Variants in C3orf70 observed in about 807,000 individuals in gnomAD.
The protein encoded by C3orf70 is chromosome 3 open reading frame 70.
A neutral mutation model predicts 20.7 loss-of-function variants in C3orf70; 15 were observed. The ratio of observed to expected loss-of-function variants is 0.72; its 90% confidence interval spans 0.48 to 1.11. The LOEUF (loss-of-function observed/expected upper bound fraction) is 1.11. C3orf70 is among the 50% of genes most tolerant of loss of function. The pLI is 0.00. For missense variants in C3orf70, 332 were observed against 317.6 expected, an observed-to-expected ratio of 1.05 and a Z score of -0.34; for synonymous variants, 161 against 125.7, an observed-to-expected ratio of 1.28 and a Z score of -1.88.
At chr3:185,096,656 A>G (rs6770129) in intron 1 of C3orf70, among the ~76,000 whole-genome samples, 53,587 of 152,020 alleles carry the variant, frequency 0.35, 9,780 homozygotes, top group East Asian at 0.52. Context: ...GACAGTGTGA[A>G]GGGTCTGCGG....
In C3orf70 at chr3:185,079,293, A is replaced by AAAATAAAATAAAAT. The variant is rs1553918801; in HGVS notation, c.*3713_*3714insATTTTATTTTATTT. 5.1e-3 allele frequency: 773 copies of AAAATAAAATAAAAT among 150,462 alleles called. 15 individuals carry two copies. Among genetic ancestry groups the AAAATAAAATAAAAT allele is most frequent in the African/African-American group, 0.018 (735 of 40,896 alleles). 9.3% of individuals were successfully genotyped at this position (150,462 alleles called of 1,614,324 possible). A position where few individuals can be genotyped will look rare whatever the true frequency, so the allele number is the denominator to read the frequency against. ...GAGACTCTGTCTCAAAAAAAAAAAA[A>AAAATAAAATAAAAT]AAAAAAAAAAAGTAAAGCCACCACT... On this transcript the variant is annotated 3_prime_UTR_variant, in exon 2 of 2. Transcript: ENST00000335012.
chr3:185,083,140 G>C lies in C3orf70; in HGVS notation c.620C>G (p.Thr207Arg). The C allele has an allele frequency of 6.2e-7, 1 of 1,614,144 alleles. No individual in the cohort carries two copies. The highest frequency in any genetic ancestry group is 8.5e-7 in the Non-Finnish European group (1 of 1,180,042). The change falls in exon 2 of 2, where the codon ACA becomes AGA. Residue 207 changes from threonine (T) to arginine (R), a missense_variant. Transcript: ENST00000335012. ...AHYVESCDED[T>R]EEGAELSSEE... Reference sequence around the variant, plus strand: ...TGAACTCAGTTCTGCTCCTTCTTCTGTGTCCTCGTCACACGATTCCACATA... The same window carrying C: ...TGAACTCAGTTCTGCTCCTTCTTCTCTGTCCTCGTCACACGATTCCACATA...
intron 1 of C3orf70, among the ~76,000 whole-genome samples, chr3:185,151,431 G>A (rs1716987114): frequency 6.6e-6 from 1 of 152,104 alleles, no homozygotes; most frequent in Non-Finnish European, 1.5e-5. Context: ...GTGAAGCAAT[G>A]CTTTATACTA....
rs916419867 is a variant in C3orf70 at position 185,076,952 on chromosome 3, A to G, written c.*6055T>C. On this transcript the variant is annotated 3_prime_UTR_variant, in exon 2 of 2. Transcript: ENST00000335012. The stretch of plus-strand genomic sequence containing the variant: ...GCAATACAATTAGGTAGAGAGTTAA[A>G]ACAGTAGAGTGCACACGCAGATGAG... Among the ~76,000 whole-genome samples, 2 of 151,940 alleles carry G rather than the reference A, an allele frequency of 1.3e-5. No individual in the cohort carries two copies. The highest frequency in any genetic ancestry group is 2.9e-5 in the Non-Finnish European group (2 of 68,042).
intron 1 of C3orf70, among the ~76,000 whole-genome samples, chr3:185,123,668 T>C (rs2108600027): frequency 6.6e-6 from 1 of 152,262 alleles, no homozygotes; most frequent in South Asian, 2.1e-4. Flanking sequence ...TGAATATGGT[T>C]TGTCTGCTCA....
intron 1 of C3orf70, among the ~76,000 whole-genome samples, chr3:185,127,428 A>G (rs1285945293): frequency 6.6e-6 from 1 of 152,066 alleles, no homozygotes; most frequent in Non-Finnish European, 1.5e-5. Flanking sequence ...CTAGACATTC[A>G]TTCTTTTTTT....
chr3:185,123,835 A>G lies in C3orf70; in HGVS notation c.196+28793T>C, dbSNP rs562123412. ...ATAAATCCCACTTCTAAATGTAAAC[A>G]AATGTCCTTTGAAGAATTTTAAATT... On this transcript the variant is annotated intron_variant, in intron 1 of 1. Transcript: ENST00000335012. Among the ~76,000 whole-genome samples the G allele has an allele frequency of 2.0e-5, 3 of 152,312 alleles. No individual in the cohort carries two copies. In the South Asian group the frequency reaches 6.2e-4, roughly 32 times the overall value.
intron 1 of C3orf70, among the ~76,000 whole-genome samples, chr3:185,087,065 A>G (rs935401701): frequency 6.6e-6 from 1 of 152,198 alleles, no homozygotes; most frequent in Admixed American, 6.5e-5. Flanking sequence ...AGATTCAATT[A>G]TGTTTACTAT....
rs766026478 is a variant in C3orf70 at position 185,152,769 on chromosome 3, C to A, written c.55G>T (p.Asp19Tyr). Reference protein sequence around the residue: ...SERGWKSEKLDEAQALARSCA... With the variant: ...SERGWKSEKLYEAQALARSCA... ...CTCCGCGCCAGGGCCTGAGCCTCATCTAGTTTCTCGCTCTTCCAACCCCGC... is the reference window on the plus strand; with the variant it reads ...CTCCGCGCCAGGGCCTGAGCCTCATATAGTTTCTCGCTCTTCCAACCCCGC... Residue 19 changes from aspartate (D) to tyrosine (Y), a missense_variant, in exon 1 of 2, where the codon GAT (aspartate) becomes TAT (tyrosine). Coordinates refer to ENST00000335012, the MANE Select transcript of C3orf70 (RefSeq NM_001025266.3). The A allele has an allele frequency of 4.4e-6, 7 of 1,584,960 alleles. No individual in the cohort carries two copies. The highest frequency in any genetic ancestry group is 6.0e-6 in the Non-Finnish European group (7 of 1,166,358).
chr3:185,146,925 C>A (rs1043811022), intron 1 of C3orf70, among the ~76,000 whole-genome samples: 5 of 152,234 alleles, frequency 3.3e-5, no homozygotes, highest in African/African-American at 1.2e-4. Flanking sequence ...TCTCTCCCTA[C>A]AGAAAATCTA....
chr3:185,103,511 A>C (rs906313725), intron 1 of C3orf70, among the ~76,000 whole-genome samples: 2 of 146,192 alleles, frequency 1.4e-5, no homozygotes, highest in East Asian at 4.0e-4. Context: ...GAAAAAAAAA[A>C]CCATTAAAAA....
intron 1 of C3orf70, among the ~76,000 whole-genome samples, chr3:185,127,268 T>C (rs992098541): frequency 6.6e-6 from 1 of 152,172 alleles, no homozygotes; most frequent in Non-Finnish European, 1.5e-5. Flanking sequence ...GGCCTAAAAA[T>C]GAGATAAATA....
At position 185,106,129 on chromosome 3, in the gene C3orf70, G is replaced by A. The variant is rs574582231; in HGVS notation, c.197-22566C>T. Among the ~76,000 whole-genome samples the A allele has an allele frequency of 1.2e-3, 184 of 152,258 alleles. 1 individual carries two copies. The highest frequency in any genetic ancestry group is 2.1e-3 in the Non-Finnish European group (144 of 68,020). On this transcript the variant is annotated intron_variant, in intron 1 of 1. Coordinates refer to ENST00000335012, the MANE Select transcript of C3orf70 (RefSeq NM_001025266.3). ...CCAGTGATTGTTCGAGCAGCGCCTC[G>A]AGCAACCGCTCTAAGTTTTATTCAG... is the stretch of plus-strand genomic sequence containing the variant.
chr3:185,101,500 A>C (rs1715823275), intron 1 of C3orf70, among the ~76,000 whole-genome samples: 1 of 152,240 alleles, frequency 6.6e-6, no homozygotes, highest in Non-Finnish European at 1.5e-5. Flanking sequence ...AGACTGGGTA[A>C]TTTACAGAGA....
At chr3:185,145,350 G>A (rs1380323587) in intron 1 of C3orf70, among the ~76,000 whole-genome samples, 2 of 152,204 alleles carry the variant, frequency 1.3e-5, no homozygotes, top group East Asian at 1.9e-4. Context: ...TTCTAAAAAC[G>A]GCTTGTGCCA....
chr3:185,084,658 T>G (rs1388377318), intron 1 of C3orf70, among the ~76,000 whole-genome samples: 1 of 152,222 alleles, frequency 6.6e-6, no homozygotes, highest in Non-Finnish European at 1.5e-5. Context: ...CTCTCTGCTC[T>G]GAGCCCTCAA....
intron 1 of C3orf70, among the ~76,000 whole-genome samples, chr3:185,091,945 ATATATATATATATATATATT>A (rs1404411121): frequency 4.3e-3 from 30 of 6,904 alleles, no homozygotes; most frequent in African/African-American, 9.3e-3. Context: ...ATATATATAT[ATATATATATATATATATATT>A]TTTTTTTTTT....
At chr3:185,113,237 G>GATCA (rs1321027532) in intron 1 of C3orf70, among the ~76,000 whole-genome samples, 1 of 141,698 alleles carries the variant, frequency 7.1e-6, no homozygotes, top group Non-Finnish European at 1.5e-5. Context: ...GAGGTCAGGA[G>GATCA]ATCAAGACCT....
At chr3:185,083,827 C>A (rs903684049) in intron 1 of C3orf70, among the ~76,000 whole-genome samples, 3 of 152,136 alleles carry the variant, frequency 2.0e-5, no homozygotes, top group Admixed American at 2.0e-4. Flanking sequence ...GGTGGATAGA[C>A]ACTATAATCC....
Sources: gnomAD v4.1 joint callset for allele counts (sites outside exome capture counted in the v4.1 genomes callset) on GRCh38, gnomAD v4.1.1 for gene constraint, MANE v1.5 for transcripts, NCBI Gene and HGNC (gene_info 2026-07-23, HGNC 2026-07-21) for gene names.